FHIT: variants seen among roughly 807,000 people sequenced by gnomAD.
FHIT encodes fragile histidine triad diadenosine triphosphatase.
A neutral mutation model predicts 17.9 loss-of-function variants in FHIT; 19 were observed. The observed-to-expected ratio is 1.06, with a 90% CI of 0.74 to 1.56. FHIT has a LOEUF of 1.56. Ranked by LOEUF, FHIT falls within the 40% of genes most tolerant of loss-of-function variation. FHIT has a pLI of 0.00. For synonymous variants in FHIT, 81 were observed against 69.7 expected (o/e 1.16, Z -0.81); for missense variants, 248 against 189.2 (o/e 1.31, Z -1.82).
intron 5 of FHIT, among the ~76,000 whole-genome samples, chr3:60,325,039 A>C (rs1244213284): frequency 1.3e-5 from 2 of 152,158 alleles, no homozygotes; most frequent in Non-Finnish European, 2.9e-5. Context: ...ATATCCCTGG[A>C]ATTTTCATTC....
At chr3:60,577,635 G>A (rs2037613576) in intron 4 of FHIT, among the ~76,000 whole-genome samples, 1 of 152,100 alleles carries the variant, frequency 6.6e-6, no homozygotes, top group Admixed American at 6.6e-5. Context: ...AAAATTGTTT[G>A]CACACTGAGA....
chr3:61,183,243 T>C (rs56076618), intron 2 of FHIT, among the ~76,000 whole-genome samples: 66,881 of 152,012 alleles, frequency 0.44, 15,747 homozygotes, highest in East Asian at 0.87. Context: ...TTGCTCTTAA[T>C]ACCTAGCTCT....
At chr3:59,752,902 C>G (rs888591970) in intron 8 of FHIT, among the ~76,000 whole-genome samples, 2 of 152,138 alleles carry the variant, frequency 1.3e-5, no homozygotes, top group African/African-American at 4.8e-5. Context: ...CGGGTAGTTC[C>G]TTATAGCACT....
At chr3:59,987,365 A>C (rs1709032469) in intron 7 of FHIT, among the ~76,000 whole-genome samples, 2 of 151,810 alleles carry the variant, frequency 1.3e-5, no homozygotes, top group Non-Finnish European at 2.9e-5. Context: ...CTATTAGTTC[A>C]TCGTGTGTGT....
At chr3:59,927,427 A>T (rs1705715871) in intron 7 of FHIT, among the ~76,000 whole-genome samples, 1 of 150,808 alleles carries the variant, frequency 6.6e-6, no homozygotes, top group Non-Finnish European at 1.5e-5. Context: ...GGTTTCTTTT[A>T]TATTATGTGA....
intron 3 of FHIT, among the ~76,000 whole-genome samples, chr3:60,985,919 A>G (rs1575798234): frequency 6.6e-6 from 1 of 152,328 alleles, no homozygotes; most frequent in Non-Finnish European, 1.5e-5. Flanking sequence ...CTCAGCTTCT[A>G]GAGGTTGCCT....
At chr3:59,866,395 C>A (rs185888967) in intron 8 of FHIT, among the ~76,000 whole-genome samples, 6 of 152,288 alleles carry the variant, frequency 3.9e-5, no homozygotes, top group African/African-American at 9.6e-5. Flanking sequence ...GAAGGCAGAT[C>A]ATTCGGGGCA....
Position 60,083,643 on chromosome 3 carries a change from C to T in FHIT, c.104-69491G>A, listed in dbSNP as rs1319677628. On this transcript the variant is annotated intron_variant, in intron 5 of 9. Transcript: ENST00000492590. ...GCCAAGAAGACAGAGATAGACTGGT[C>T]CCTCAAACCTTTTCTCTAATGTCTG... 2.6e-5 allele frequency among the ~76,000 whole-genome samples: 4 copies of T among 152,106 alleles called. No homozygotes were observed. In the East Asian group the frequency reaches 5.8e-4, roughly 22 times the overall value.
At chr3:60,123,967 AATATATATATATATATAT>A (rs1176212050) in intron 5 of FHIT, among the ~76,000 whole-genome samples, 308 of 27,758 alleles carry the variant, frequency 0.011, 36 homozygotes, top group Middle Eastern at 0.048. Flanking sequence ...ATGCACTAAA[AATATATATATATATATAT>A]ATATATATAT....
chr3:59,873,774 C>T lies in FHIT; in HGVS notation c.348+48572G>A, dbSNP rs377066251. 9.4e-4 allele frequency among the ~76,000 whole-genome samples: 143 copies of T among 152,150 alleles called. 1 individual carries two copies. The highest frequency in any genetic ancestry group is 3.2e-3 in the African/African-American group (133 of 41,494). The stretch of plus-strand genomic sequence containing the variant: ...GAGAACCACTGGTCTAGGGTGGCGC[C>T]CAATTTACACCCACTGTCCTAGGGA... On this transcript the variant is annotated intron_variant, in intron 8 of 9. Coordinates refer to ENST00000492590, the MANE Select transcript of FHIT (RefSeq NM_002012.4).
At chr3:60,294,067 A>G (rs1708099427) in intron 5 of FHIT, among the ~76,000 whole-genome samples, 1 of 152,066 alleles carries the variant, frequency 6.6e-6, no homozygotes, top group Non-Finnish European at 1.5e-5. Flanking sequence ...CCTTTTCAAC[A>G]TTTTTCCAGG....
At chr3:60,807,389 A>C (rs1191776752) in intron 4 of FHIT, among the ~76,000 whole-genome samples, 1 of 151,698 alleles carries the variant, frequency 6.6e-6, no homozygotes, top group Non-Finnish European at 1.5e-5. Context: ...CCTGGGCAAC[A>C]TAGGGACACC....
intron 8 of FHIT, among the ~76,000 whole-genome samples, chr3:59,911,524 A>G (rs1237107427): frequency 6.6e-6 from 1 of 152,174 alleles, no homozygotes; most frequent in African/African-American, 2.4e-5. Flanking sequence ...GGTACAGGGG[A>G]CAGAGCTGGC....
intron 3 of FHIT, among the ~76,000 whole-genome samples, chr3:60,861,154 T>A (rs1380414864): frequency 1.1e-4 from 1 of 9,072 alleles, no homozygotes; most frequent in East Asian, 3.2e-3. Flanking sequence ...ATGATCTATA[T>A]ACATATATAT....
chr3:59,801,344 T>C (rs1318432276), intron 8 of FHIT, among the ~76,000 whole-genome samples: 1 of 149,260 alleles, frequency 6.7e-6, no homozygotes, highest in Non-Finnish European at 1.5e-5. Context: ...TTAACAAGTT[T>C]TTGTGATGGA....
intron 5 of FHIT, among the ~76,000 whole-genome samples, chr3:60,270,051 T>C (rs1442801068): frequency 6.6e-6 from 1 of 152,168 alleles, no homozygotes; most frequent in Non-Finnish European, 1.5e-5. Flanking sequence ...GACTCTACAC[T>C]GGGCCAGCCA....
chr3:60,510,372 T>G (rs2034903476), intron 5 of FHIT, among the ~76,000 whole-genome samples: 1 of 152,216 alleles, frequency 6.6e-6, no homozygotes, highest in Admixed American at 6.5e-5. Context: ...TAAACGGCCA[T>G]GATTCATTTT....
intron 5 of FHIT, among the ~76,000 whole-genome samples, chr3:60,213,451 C>G (rs187500822): frequency 6.6e-6 from 1 of 152,278 alleles, no homozygotes; most frequent in Non-Finnish European, 1.5e-5. Context: ...GGGGCATATT[C>G]CTGTGATTCA....
At chr3:60,465,366 C>T (rs529861913) in intron 5 of FHIT, among the ~76,000 whole-genome samples, 4 of 151,962 alleles carry the variant, frequency 2.6e-5, no homozygotes, top group East Asian at 3.9e-4. Context: ...AATTTGTTTA[C>T]TTTGCTATGC....
Sources: allele counts gnomAD v4.1 joint callset (sites outside exome capture counted in the v4.1 genomes callset), GRCh38; gene constraint gnomAD v4.1.1; transcripts MANE v1.5; gene names NCBI Gene and HGNC (gene_info 2026-07-23, HGNC 2026-07-21).